Variants in UVSSA observed in about 807,000 individuals in gnomAD.
UVSSA encodes UV stimulated scaffold protein A.
A neutral mutation model predicts 73.9 loss-of-function variants in UVSSA; 72 were observed. The observed-to-expected ratio is 0.97, with a 90% CI of 0.81 to 1.19. The LOEUF (loss-of-function observed/expected upper bound fraction) is 1.19, where lower values mean the gene tolerates loss of function less well. UVSSA is among the 50% of genes most tolerant of loss of function. The probability of loss-of-function intolerance (pLI) is 0.00; values close to 1 mark genes in which losing one functional copy is unlikely to be tolerated. For missense variants in UVSSA, 1,150 were observed against 965.0 expected (o/e 1.19, Z -2.54); for synonymous variants, 454 against 391.3 (o/e 1.16, Z -1.89).
At chr4:1,363,688 G>A (rs536566486) in intron 7 of UVSSA, among the ~76,000 whole-genome samples, 3 of 152,196 alleles carry the variant, frequency 2.0e-5, no homozygotes, top group Admixed American at 6.5e-5. Flanking sequence ...TTTCAGGTCC[G>A]TGGCTTGTTG....
rs753074950 is a variant in UVSSA, at chr4:1,348,074, CCTTA to C, written c.-2-11_-2-8del. 2.1e-5 allele frequency: 34 copies of C among 1,590,362 alleles called. No individual in the cohort carries two copies. Among genetic ancestry groups the C allele is most frequent in the Admixed American group, 3.3e-5 (2 of 59,906 alleles). On this transcript the variant is annotated splice_polypyrimidine_tract_variant and intron_variant, in intron 1 of 13. Coordinates refer to ENST00000389851, the MANE Select transcript of UVSSA (RefSeq NM_020894.4). ...TACAGATGGTGATATAGCATCTCTG[CCTTA>C]CTTATTTCTAGATATGGATCAGAAA...
chr4:1,350,766 TAA>T (rs34918099), intron 3 of UVSSA, among the ~76,000 whole-genome samples: 12 of 139,376 alleles, frequency 8.6e-5, no homozygotes, highest in Non-Finnish European at 9.5e-5. Context: ...CGTTGTCTCT[TAA>T]AAAAAAAAAA....
upstream of UVSSA, among the ~76,000 whole-genome samples, chr4:1,345,300 C>T (rs1288211970): frequency 6.6e-6 from 1 of 151,976 alleles, no homozygotes; most frequent in Non-Finnish European, 1.5e-5. Flanking sequence ...AGAGAGAAGC[C>T]CAAGTGAGTC....
At chr4:1,395,608 C>T in exon 14 of UVSSA, 5 of 1,603,458 alleles carry the variant, frequency 3.1e-6, no homozygotes, top group Non-Finnish European at 4.3e-6. Flanking sequence ...CCTGCTCACA[C>T]ACGTGCCCAT....
chr4:1,349,768 C>G lies in UVSSA; in HGVS notation c.343C>G (p.Arg115Gly), dbSNP rs145622542. The G allele has an allele frequency of 3.1e-6, 5 of 1,608,554 alleles. No individual in the cohort carries two copies. In the Admixed American group the frequency reaches 5.0e-5, roughly 16 times the overall value. ...AAQRLRQATT[R>G]AVEGWNEKFG... ...ACAGAGGCTGAGGCAGGCGACCACC[C>G]GGGCCGTGGAAGGGTGGAATGAGAA... Residue 115 changes from arginine (R) to glycine (G), a missense_variant, in exon 3 of 14, where the codon CGG becomes GGG. Coordinates refer to ENST00000389851, the MANE Select transcript of UVSSA (RefSeq NM_020894.4).
chr4:1,379,971 C>T, intron 10 of UVSSA, 76 bp from the exon 11 acceptor site: 4 of 1,497,876 alleles, frequency 2.7e-6, no homozygotes, highest in Non-Finnish European at 3.6e-6. Flanking sequence ...TGGCCTTCCC[C>T]TGTGCCTGCA....
chr4:1,358,720 A>C (rs1321144778), intron 7 of UVSSA, among the ~76,000 whole-genome samples: 1 of 152,242 alleles, frequency 6.6e-6, no homozygotes, highest in Non-Finnish European at 1.5e-5. Flanking sequence ...TTTAATTAGA[A>C]ATTATGGACG....
chr4:1,380,788 C>G, intron 11 of UVSSA, 92 bp from the exon 12 acceptor site: 1 of 1,587,820 alleles, frequency 6.3e-7, no homozygotes, highest in Non-Finnish European at 8.6e-7. Flanking sequence ...CCACCCTGGT[C>G]GCTGTTTGTG....
chr4:1,379,464 GTGGGAGCGGACGCACCTGGGACGCC>G (rs139094339), intron 10 of UVSSA, among the ~76,000 whole-genome samples: 4,052 of 152,338 alleles, frequency 0.027, 133 homozygotes, highest in East Asian at 0.17. Context: ...ACAGCAGAGC[GTGGGAGCGGACGCACCTGGGACGCC>G]TGGGAGACCT....
intron 8 of UVSSA, among the ~76,000 whole-genome samples, chr4:1,373,122 CCTT>C (rs1457675917): frequency 6.6e-6 from 1 of 152,218 alleles, no homozygotes; most frequent in African/African-American, 2.4e-5. Context: ...TTCAAAGTGA[CCTT>C]CTAAGATCTT....
intron 7 of UVSSA, among the ~76,000 whole-genome samples, chr4:1,357,607 CTCCCAGCCA>C (rs1215863866): frequency 1.3e-5 from 2 of 152,258 alleles, no homozygotes; most frequent in Admixed American, 1.3e-4. Flanking sequence ...GGCCTGCAGG[CTCCCAGCCA>C]TGGCTGACTT....
At chr4:1,360,272 T>G (rs1370759007) in intron 7 of UVSSA, among the ~76,000 whole-genome samples, 1 of 152,076 alleles carries the variant, frequency 6.6e-6, no homozygotes, top group Non-Finnish European at 1.5e-5. Context: ...GTGCCAGCCC[T>G]CCCTCCCACA....
At chr4:1,343,433 G>A (rs1476510740), upstream of UVSSA, among the ~76,000 whole-genome samples, 2 of 152,048 alleles carry the variant, frequency 1.3e-5, no homozygotes, top group Admixed American at 6.6e-5. Flanking sequence ...TGGTAGGCAG[G>A]GGCCACAATT....
chr4:1,346,909 T>G (rs527462213), upstream of UVSSA, among the ~76,000 whole-genome samples: 1,513 of 152,262 alleles, frequency 9.9e-3, 9 homozygotes, highest in Non-Finnish European at 0.015. Flanking sequence ...CCCGGCAGCC[T>G]GCCTCGCCCT....
chr4:1,352,423 G>T (rs1283993698), intron 4 of UVSSA, among the ~76,000 whole-genome samples: 2 of 152,240 alleles, frequency 1.3e-5, no homozygotes, highest in African/African-American at 4.8e-5. Flanking sequence ...AGCTCACAAG[G>T]CAGGCAGCTG....
chr4:1,351,772 A>G lies in UVSSA; in HGVS notation c.487A>G (p.Lys163Glu). Residue 163 changes from lysine to glutamate, a missense_variant, in exon 4 of 14, where the codon AAG becomes GAG. Transcript: ENST00000389851. ...SLAERKREEE[K>E]QKHLDKIYQE... ...GGCAGAAAGGAAGAGAGAAGAGGAG[A>G]AGCAGAAGCACTTGGATAAAATTTA... 1 of 1,613,718 alleles carries G rather than the reference A, an allele frequency of 6.2e-7. No individual in the cohort carries two copies. Among genetic ancestry groups the G allele is most frequent in the South Asian group, 1.1e-5 (1 of 91,086 alleles).
Position 1,395,025 on chromosome 4 carries a change from T to A in UVSSA, c.*9064T>A. ...CGTGGAGTGCCCGCCTGCTCACACG[T>A]GCCCATGTGGAGTGCCCGCCTGCTC... On this transcript the variant is annotated 3_prime_UTR_variant, in exon 14 of 14. Transcript: ENST00000511216. The A allele has an allele frequency of 3.4e-6, 5 of 1,474,402 alleles. 1 individual carries two copies. The highest frequency in any genetic ancestry group is 4.6e-6 in the Non-Finnish European group (5 of 1,076,062). 91.3% of individuals were successfully genotyped at this position (1,474,402 alleles called of 1,614,324 possible).
upstream of UVSSA, among the ~76,000 whole-genome samples, chr4:1,344,684 G>A (rs74516700): frequency 1.0e-3 from 156 of 152,300 alleles, 2 homozygotes; most frequent in East Asian, 0.028. Flanking sequence ...CCTATTTTCA[G>A]GGACTGTATG....
chr4:1,379,939 G>A (rs1251552258), intron 10 of UVSSA, 108 bp from the exon 11 acceptor site: 4 of 1,331,638 alleles, frequency 3.0e-6, no homozygotes, highest in Non-Finnish European at 3.1e-6. Flanking sequence ...CAGTGTTGGG[G>A]TGGCTGGGCT....
Sources: allele counts gnomAD v4.1 joint callset (sites outside exome capture counted in the v4.1 genomes callset), GRCh38; gene constraint gnomAD v4.1.1; transcripts MANE v1.5; gene names NCBI Gene and HGNC (gene_info 2026-07-23, HGNC 2026-07-21).